The following MYO5B variants were observed in gnomAD, a reference collection of about 807,000 sequenced individuals.
The protein encoded by MYO5B is unconventional myosin-Vb.
Under a neutral mutation model 229.3 loss-of-function variants are expected in MYO5B, and 143 were observed. The ratio of observed to expected loss-of-function variants is 0.62; its 90% CI spans 0.54 to 0.72. MYO5B has a LOEUF of 0.72. MYO5B is among the 30% of genes least tolerant of loss of function. The probability of loss-of-function intolerance (pLI) is 0.00; values close to 1 mark genes in which losing one functional copy is unlikely to be tolerated. For synonymous variants in MYO5B, 918 were observed against 885.2 expected, an observed-to-expected ratio of 1.04 and a Z score of -0.66; for missense variants, 2,321 against 2,331.0, an observed-to-expected ratio of 1.00 and a Z score of 0.09.
At chr18:50,114,152 T>TTAC (rs1220070712) in intron 1 of MYO5B, among the ~76,000 whole-genome samples, 2 of 152,150 alleles carry the variant, frequency 1.3e-5, no homozygotes, top group Admixed American at 1.3e-4. Context: ...TGGTATTATT[T>TTAC]TACTGATGAG....
intron 1 of MYO5B, among the ~76,000 whole-genome samples, chr18:50,116,933 T>C (rs550454338): frequency 6.6e-6 from 1 of 152,148 alleles, no homozygotes; most frequent in South Asian, 2.1e-4. Context: ...TATGAAGGTA[T>C]TTCCTACATA....
At chr18:49,920,421 T>C (rs1277076489) in intron 17 of MYO5B, among the ~76,000 whole-genome samples, 2 of 152,128 alleles carry the variant, frequency 1.3e-5, no homozygotes, top group Admixed American at 1.3e-4. Flanking sequence ...GTGCAAAGGT[T>C]GTCACATGCT....
intron 1 of MYO5B, among the ~76,000 whole-genome samples, chr18:50,173,094 C>T (rs532916299): frequency 1.3e-3 from 204 of 152,094 alleles, no homozygotes; most frequent in African/African-American, 4.6e-3. Flanking sequence ...CGAACCCCGT[C>T]GCTACTAAAA....
intron 17 of MYO5B, among the ~76,000 whole-genome samples, chr18:49,912,960 C>G (rs920846745): frequency 4.6e-5 from 7 of 152,196 alleles, no homozygotes; most frequent in Admixed American, 6.5e-5. Context: ...TAACAAATAA[C>G]AAGTGGCCGT....
chr18:49,841,984 A>G (rs996362105), intron 34 of MYO5B, among the ~76,000 whole-genome samples: 6 of 152,234 alleles, frequency 3.9e-5, no homozygotes, highest in African/African-American at 1.4e-4. Flanking sequence ...CAGCAACCCA[A>G]ACAGCTATGA....
At chr18:50,189,807 G>A (rs2033202998) in intron 1 of MYO5B, among the ~76,000 whole-genome samples, 1 of 152,126 alleles carries the variant, frequency 6.6e-6, no homozygotes, top group African/African-American at 2.4e-5. Flanking sequence ...CTGACACTTG[G>A]GAGAAACTTA....
At chr18:49,939,800 A>G (rs1162996588) in intron 14 of MYO5B, among the ~76,000 whole-genome samples, 1 of 152,228 alleles carries the variant, frequency 6.6e-6, no homozygotes, top group Non-Finnish European at 1.5e-5. Flanking sequence ...GTAGAAATAT[A>G]AAAGGGCTTC....
chr18:49,969,090 G>T (rs1289031093), intron 10 of MYO5B, among the ~76,000 whole-genome samples: 2 of 152,166 alleles, frequency 1.3e-5, no homozygotes, highest in Admixed American at 1.3e-4. Context: ...CAAGGTTTGA[G>T]AACACTGTGG....
At chr18:50,177,026 T>A (rs1167797989) in intron 1 of MYO5B, among the ~76,000 whole-genome samples, 2 of 152,244 alleles carry the variant, frequency 1.3e-5, no homozygotes, top group Non-Finnish European at 2.9e-5. Context: ...GTAAGGGAGA[T>A]AATGAGCATT....
intron 17 of MYO5B, among the ~76,000 whole-genome samples, chr18:49,916,195 C>T (rs2025012164): frequency 6.6e-6 from 1 of 152,216 alleles, no homozygotes; most frequent in Non-Finnish European, 1.5e-5. Flanking sequence ...CATCATTTAG[C>T]TGGGCTAAAA....
At chr18:49,968,677 T>G (rs1480240388) in intron 10 of MYO5B, among the ~76,000 whole-genome samples, 1 of 152,160 alleles carries the variant, frequency 6.6e-6, no homozygotes, top group African/African-American at 2.4e-5. Flanking sequence ...CTGTTAAGAA[T>G]TCATTCCTTA....
At position 49,997,267 on chromosome 18, in the gene MYO5B, TAAAAAAAAAAAAAAA is replaced by T. The variant is rs58927375; in HGVS notation, c.612+3973_612+3987del. Among the ~76,000 whole-genome samples, 850 of 101,180 alleles carry T rather than the reference TAAAAAAAAAAAAAAA, an allele frequency of 8.4e-3. 21 individuals carry two copies. Among genetic ancestry groups the T allele is most frequent in the African/African-American group, 0.025 (562 of 22,620 alleles). The allele number at this position is 101,180 out of a possible 152,430, so 66.4% of individuals were successfully genotyped here. The stretch of plus-strand genomic sequence containing the variant: ...GGGTGACAAAGCAAGGTCCTGTCTT[TAAAAAAAAAAAAAAA>T]AAAAAAAAAAAAAAAGCAAATCCTG... On this transcript the variant is annotated intron_variant, in intron 5 of 39. Coordinates refer to ENST00000285039, the MANE Select transcript of MYO5B (RefSeq NM_001080467.3).
chr18:50,060,515 A>C (rs1307511401), intron 1 of MYO5B, among the ~76,000 whole-genome samples: 1 of 152,222 alleles, frequency 6.6e-6, no homozygotes, highest in Non-Finnish European at 1.5e-5. Context: ...AACAACACTT[A>C]ATTCCTTCAT....
At chr18:49,872,657 C>T (rs899249108) in intron 26 of MYO5B, among the ~76,000 whole-genome samples, 2 of 152,092 alleles carry the variant, frequency 1.3e-5, no homozygotes, top group African/African-American at 4.8e-5. Context: ...AGTCGGAAGA[C>T]GACACAGGGA....
chr18:50,165,885 C>T (rs1394556179), intron 1 of MYO5B, among the ~76,000 whole-genome samples: 1 of 152,062 alleles, frequency 6.6e-6, no homozygotes, highest in Non-Finnish European at 1.5e-5. Context: ...ATTTTCCTTC[C>T]CCAGGATCAC....
chr18:50,160,626 T>C (rs1487310470), intron 1 of MYO5B, among the ~76,000 whole-genome samples: 1 of 151,962 alleles, frequency 6.6e-6, no homozygotes, highest in African/African-American at 2.4e-5. Context: ...CCTCCAGCAA[T>C]GAGAGGGTCG....
intron 18 of MYO5B, among the ~76,000 whole-genome samples, chr18:49,907,268 C>G (rs1201332270): frequency 6.6e-6 from 1 of 152,180 alleles, no homozygotes. Context: ...AAGGAAATGA[C>G]CTGATCTGAT....
intron 5 of MYO5B, among the ~76,000 whole-genome samples, chr18:49,992,876 G>GA (rs1490783243): frequency 6.6e-6 from 1 of 152,016 alleles, no homozygotes; most frequent in Admixed American, 6.6e-5. Context: ...GAACTTTCTG[G>GA]AAAAAAACAA....
intron 9 of MYO5B, among the ~76,000 whole-genome samples, chr18:49,978,010 C>G (rs140266317): frequency 1.3e-5 from 2 of 152,354 alleles, no homozygotes; most frequent in African/African-American, 4.8e-5. Flanking sequence ...TTGCTGTCCA[C>G]TAGCTCTCTG....
Sources: gnomAD v4.1 joint callset for allele counts (sites outside exome capture counted in the v4.1 genomes callset) on GRCh38, gnomAD v4.1.1 for gene constraint, MANE v1.5 for transcripts, NCBI Gene and HGNC (gene_info 2026-07-23, HGNC 2026-07-21) for gene names.